SPAG9: variants seen among roughly 807,000 people sequenced by gnomAD.
The protein encoded by SPAG9 is C-Jun-amino-terminal kinase-interacting protein 4.
In SPAG9, 35 loss-of-function variants were observed where a neutral mutation model predicts 166.5. The observed-to-expected ratio is 0.21, with a 90% CI of 0.16 to 0.28. The LOEUF (loss-of-function observed/expected upper bound fraction) is 0.28. SPAG9 is among the 10% of genes least tolerant of loss of function. The pLI, the probability that SPAG9 is intolerant of heterozygous loss-of-function variation, is 1.00. For synonymous variants in SPAG9, 534 were observed against 565.5 expected (o/e 0.94, Z 0.79); for missense variants, 1,235 against 1,603.3 (o/e 0.77, Z 3.92).
At chr17:51,115,763 A>G (rs2049270091) in intron 1 of SPAG9, among the ~76,000 whole-genome samples, 1 of 151,916 alleles carries the variant, frequency 6.6e-6, no homozygotes, top group South Asian at 2.1e-4. Flanking sequence ...CCAGGAGGCG[A>G]AGGTTGCAGT....
intron 2 of SPAG9, among the ~76,000 whole-genome samples, chr17:51,078,793 A>G (rs1439152740): frequency 6.6e-6 from 1 of 152,138 alleles, no homozygotes; most frequent in Non-Finnish European, 1.5e-5. Context: ...TTTCCATTAA[A>G]AAAAGGAGCA....
At chr17:51,071,207 C>T (rs529369785) in intron 2 of SPAG9, among the ~76,000 whole-genome samples, 16 of 152,226 alleles carry the variant, frequency 1.1e-4, no homozygotes, top group African/African-American at 3.9e-4. Context: ...TCTATACTTG[C>T]TTGACTCAAA....
intron 1 of SPAG9, among the ~76,000 whole-genome samples, chr17:51,089,649 T>C (rs1406881953): frequency 3.0e-5 from 3 of 98,786 alleles, no homozygotes; most frequent in Non-Finnish European, 6.2e-5. Flanking sequence ...TATATATATA[T>C]ATATATATAT....
intron 3 of SPAG9, among the ~76,000 whole-genome samples, chr17:51,050,975 A>AGGGAGGAAAG (rs2047163774): frequency 6.7e-6 from 1 of 148,566 alleles, no homozygotes; most frequent in African/African-American, 2.5e-5. Context: ...GAACGAAGGG[A>AGGGAGGAAAG]GGGAGGAAAG....
intron 20 of SPAG9, chr17:50,990,176 C>T (rs904764933): frequency 5.7e-5 from 29 of 511,694 alleles, no homozygotes; most frequent in Middle Eastern, 5.4e-4. Context: ...TACAGGCACC[C>T]GCCACCACGC....
chr17:51,078,159 T>G (rs1383299049), intron 2 of SPAG9, among the ~76,000 whole-genome samples: 1 of 152,106 alleles, frequency 6.6e-6, no homozygotes, highest in Non-Finnish European at 1.5e-5. Context: ...AACAAAGGTA[T>G]CCAACAACTC....
intron 27 of SPAG9, chr17:50,976,905 G>A (rs1343821518): frequency 3.5e-5 from 15 of 424,576 alleles, no homozygotes; most frequent in South Asian, 3.4e-4. Context: ...TTTTGACAAC[G>A]AAAAACTTTT....
chr17:51,023,624 G>A (rs2046030945), intron 6 of SPAG9, among the ~76,000 whole-genome samples: 1 of 152,006 alleles, frequency 6.6e-6, no homozygotes, highest in Non-Finnish European at 1.5e-5. Context: ...AAATAATTGG[G>A]AAATATTTAA....
At chr17:51,014,403 T>C (rs1416738737) in intron 8 of SPAG9, 50 bp from the exon 9 acceptor site, 1 of 1,558,916 alleles carries the variant, frequency 6.4e-7, no homozygotes, top group East Asian at 2.3e-5. Flanking sequence ...AAAGACTTTT[T>C]TGACGCTGTA....
At chr17:51,001,105 T>C (rs1004993237) in intron 13 of SPAG9, among the ~76,000 whole-genome samples, 5 of 152,238 alleles carry the variant, frequency 3.3e-5, no homozygotes, top group African/African-American at 1.2e-4. Flanking sequence ...AACATGTCAA[T>C]GCATACTATT....
chr17:51,035,741 T>A (rs1020806876), intron 5 of SPAG9, among the ~76,000 whole-genome samples: 14 of 152,252 alleles, frequency 9.2e-5, no homozygotes, highest in African/African-American at 3.1e-4. Flanking sequence ...CTCTCTAAAA[T>A]TTTCACAAGT....
In SPAG9 at chr17:51,002,954, C is replaced by G. The variant is rs146573782; in HGVS notation, c.1477-1109G>C. ...AATTAGCCACGTATGGGGTGGCGCA[C>G]AACTTTGGTCCCAGCTACTCAGGAG... On this transcript the variant is annotated intron_variant, in intron 12 of 29. Coordinates refer to ENST00000262013, the MANE Select transcript of SPAG9 (RefSeq NM_001130528.3). 2.2e-3 allele frequency among the ~76,000 whole-genome samples: 326 copies of G among 148,320 alleles called. 3 individuals carry two copies. The highest frequency in any genetic ancestry group is 7.7e-3 in the African/African-American group (307 of 39,928).
intron 8 of SPAG9, 80 bp downstream of exon 8, chr17:51,020,079 G>T: frequency 1.3e-6 from 1 of 778,616 alleles, no homozygotes; most frequent in Non-Finnish European, 2.2e-6. Context: ...AATCCATTTT[G>T]TCCAGAGACT....
At position 51,106,102 on chromosome 17, in the gene SPAG9, T is replaced by TACACACACACACACACACACACAC. The variant is rs71149344; in HGVS notation, c.303+14228_303+14251dup. Reference sequence around the variant, plus strand: ...GGCAACACAGCAAGACCCCCATCTCTACACACACACACACACACACACACA... The same window carrying TACACACACACACACACACACACAC: ...GGCAACACAGCAAGACCCCCATCTCTACACACACACACACACACACACACACACACACACACACACACACACACA... On this transcript the variant is annotated intron_variant, in intron 1 of 29. Coordinates refer to ENST00000262013, the MANE Select transcript of SPAG9 (RefSeq NM_001130528.3). 1.4e-4 allele frequency among the ~76,000 whole-genome samples: 15 copies of TACACACACACACACACACACACAC among 110,574 alleles called. 2 individuals are homozygous for TACACACACACACACACACACACAC. The highest frequency in any genetic ancestry group is 1.6e-4 in the Non-Finnish European group (9 of 55,176). 72.5% of individuals were successfully genotyped at this position (110,574 alleles called of 152,430 possible).
chr17:50,980,278 T>C (rs1396972392), intron 25 of SPAG9, among the ~76,000 whole-genome samples: 4 of 152,072 alleles, frequency 2.6e-5, no homozygotes, highest in Admixed American at 2.0e-4. Context: ...CAATCTCGGC[T>C]CACTGCAACC....
chr17:51,025,533 A>G (rs1343333346), intron 6 of SPAG9, among the ~76,000 whole-genome samples: 2 of 151,902 alleles, frequency 1.3e-5, no homozygotes, highest in Non-Finnish European at 2.9e-5. Flanking sequence ...AGTGAAAACA[A>G]CTACAAGTCC....
chr17:51,063,434 T>C (rs750218216), intron 2 of SPAG9, among the ~76,000 whole-genome samples: 1 of 151,088 alleles, frequency 6.6e-6, no homozygotes, highest in Non-Finnish European at 1.5e-5. Flanking sequence ...AAAAATTGTA[T>C]GCTGACCACG....
At chr17:51,064,831 G>A (rs2047615671) in intron 2 of SPAG9, among the ~76,000 whole-genome samples, 1 of 152,114 alleles carries the variant, frequency 6.6e-6, no homozygotes. Flanking sequence ...CTTCAAAATG[G>A]TGAATTTTGG....
intron 24 of SPAG9, among the ~76,000 whole-genome samples, chr17:50,983,210 T>G (rs1974784103): frequency 1.3e-5 from 2 of 152,254 alleles, no homozygotes; most frequent in African/African-American, 4.8e-5. Flanking sequence ...CATTCTATTT[T>G]CAGACACCTT....
Sources: gnomAD v4.1 joint callset for allele counts (sites outside exome capture counted in the v4.1 genomes callset) on GRCh38, gnomAD v4.1.1 for gene constraint, MANE v1.5 for transcripts, NCBI Gene and HGNC (gene_info 2026-07-23, HGNC 2026-07-21) for gene names.